The following LRP2 variants were observed in gnomAD, a reference collection of about 807,000 sequenced individuals.
LRP2 encodes LDL receptor related protein 2.
Under a neutral mutation model 531.0 loss-of-function variants are expected in LRP2, and 172 were observed. The observed-to-expected ratio is 0.32, with a 90% CI of 0.29 to 0.37. LRP2 has a LOEUF of 0.37. Ranked by LOEUF, LRP2 falls within the 10% of genes least tolerant of loss-of-function variation. The pLI is 1.00. For missense variants in LRP2, 5,167 were observed against 5,868.3 expected (o/e 0.88, Z 3.90); for synonymous variants, 1,992 against 2,027.6 (o/e 0.98, Z 0.47).
At chr2:169,274,419 A>C (rs1171290112) in intron 14 of LRP2, among the ~76,000 whole-genome samples, 2 of 152,158 alleles carry the variant, frequency 1.3e-5, no homozygotes, top group Non-Finnish European at 2.9e-5. Context: ...ATCCCATCTC[A>C]GAAAAAATAA....
Position 169,207,230 on chromosome 2 carries a change from CA to C in LRP2, c.6489del (p.Asn2163LysfsTer8). 6.2e-7 allele frequency: 1 copy of C among 1,613,794 alleles called. No homozygotes were observed. Among genetic ancestry groups the C allele is most frequent in the Non-Finnish European group, 8.5e-7 (1 of 1,179,852 alleles). On this transcript the variant is annotated frameshift_variant, in exon 39 of 79. Coordinates refer to ENST00000649046, the MANE Select transcript of LRP2 (RefSeq NM_004525.3). LOFTEE classifies it high-confidence loss of function. ...DWVAGNLYFT[N>X]AFVSETLIEV... The stretch of plus-strand genomic sequence containing the variant: ...TCTATCAGTGTTTCAGAAACAAAGG[CA>C]TTGGTGAAATAAAGATTTCCTATGG...
intron 48 of LRP2, among the ~76,000 whole-genome samples, chr2:169,189,965 T>C (rs1405030023): frequency 6.6e-6 from 1 of 152,086 alleles, no homozygotes; most frequent in Non-Finnish European, 1.5e-5. Flanking sequence ...ATAGTAATGA[T>C]AAAGGAAGAA....
Position 169,137,469 on chromosome 2 carries a change from C to T in LRP2, c.13543G>A (p.Gly4515Arg), listed in dbSNP as rs886055078. 2.5e-6 allele frequency: 4 copies of T among 1,612,852 alleles called. No homozygotes were observed. Among genetic ancestry groups the T allele is most frequent in the Non-Finnish European group, 3.4e-6 (4 of 1,179,048 alleles). Reference sequence around the variant, plus strand: ...TTTTCAAATATTATGGGCTGCTTCCCCATTTCCATGACAAAGTCTTCACTC... The same window carrying T: ...TTTTCAAATATTATGGGCTGCTTCCTCATTTCCATGACAAAGTCTTCACTC... ...AMSEDFVMEMGKQPIIFENPM... is the reference protein window; with the variant it reads ...AMSEDFVMEMRKQPIIFENPM... The change falls in exon 76 of 79, where the codon GGG (glycine) becomes AGG (arginine). Residue 4515 changes from glycine (G) to arginine (R), a missense_variant. By Grantham distance (125) the Gly-to-Arg change is moderately radical (BLOSUM62 -2). This residue lies in a region of LRP2 where 348 missense variants were observed against 369.3 expected (regional missense o/e 0.94). Transcript: ENST00000649046.
At chr2:169,301,636 T>C (rs1319295986) in intron 4 of LRP2, among the ~76,000 whole-genome samples, 1 of 152,120 alleles carries the variant, frequency 6.6e-6, no homozygotes, top group Non-Finnish European at 1.5e-5. Flanking sequence ...TCTCATACTA[T>C]ACCACATTTA....
intron 16 of LRP2, among the ~76,000 whole-genome samples, chr2:169,263,314 C>T (rs1690648981): frequency 6.6e-6 from 1 of 152,052 alleles, no homozygotes; most frequent in South Asian, 2.1e-4. Flanking sequence ...AGGCAACCCA[C>T]AAAATGGGAG....
chr2:169,301,798 A>C (rs553705286), intron 4 of LRP2, among the ~76,000 whole-genome samples: 3 of 152,164 alleles, frequency 2.0e-5, no homozygotes, highest in East Asian at 3.9e-4. Context: ...GAATGGACAC[A>C]AGGTACTCTG....
At chr2:169,196,744 G>A (rs1688017180) in intron 46 of LRP2, among the ~76,000 whole-genome samples, 167 bp downstream of exon 46, 1 of 152,188 alleles carries the variant, frequency 6.6e-6, no homozygotes, top group Admixed American at 6.5e-5. Context: ...TCCACTAACA[G>A]GTCTTAATGA....
chr2:169,176,339 C>G, intron 54 of LRP2, 72 bp downstream of exon 54: 1 of 1,586,750 alleles, frequency 6.3e-7, no homozygotes, highest in Non-Finnish European at 8.6e-7. Context: ...ACTCCCATCC[C>G]TTGGAGCCTT....
intron 37 of LRP2, among the ~76,000 whole-genome samples, 191 bp downstream of exon 37, chr2:169,211,777 G>A (rs542867928): frequency 6.6e-5 from 10 of 152,264 alleles, no homozygotes; most frequent in South Asian, 2.1e-4. Flanking sequence ...CTGTGTTGGC[G>A]TGAGCCCTCC....
rs1223432344 is a variant in LRP2, at chr2:169,235,979, T to A, written c.4781A>T (p.Gln1594Leu). Reference sequence around the variant, plus strand: ...GCCGCAGGGCCAGAAGATCTTGTCCTGGACAATGACAGTGCGCATGCTGCC... The same window carrying A: ...GCCGCAGGGCCAGAAGATCTTGTCCAGGACAATGACAGTGCGCATGCTGCC... ...MDGSMRTVIVQDKIFWPCGLT... is the reference protein window; with the variant it reads ...MDGSMRTVIVLDKIFWPCGLT... The change falls in exon 29 of 79, where the codon CAG (glutamine) becomes CTG (leucine). Residue 1594 changes from glutamine (Q) to leucine (L), a missense_variant. Around this residue, in one of 6 missense-constraint regions of LRP2, gnomAD observed 2,811 missense variants for 3,058.0 expected, o/e 0.92. Coordinates refer to ENST00000649046, the MANE Select transcript of LRP2 (RefSeq NM_004525.3). 6.2e-7 allele frequency: 1 copy of A among 1,614,116 alleles called. No homozygotes were observed. The highest frequency in any genetic ancestry group is 1.3e-5 in the African/African-American group (1 of 74,932).
chr2:169,163,141 C>A (rs954374052), intron 62 of LRP2, among the ~76,000 whole-genome samples: 6 of 152,170 alleles, frequency 3.9e-5, no homozygotes, highest in African/African-American at 1.2e-4. Flanking sequence ...AGGTGGAGAT[C>A]ATGTTATGCA....
rs16856600 is a variant in LRP2 at position 169,201,987 on chromosome 2, G to A, written c.8210-117C>T. ...GAATTTACCTTCCAAGGCAAAAAAC[G>A]CTGCAAAATGGACTGCATGCAAAGT... On this transcript the variant is annotated intron_variant, in intron 43 of 78. Transcript: ENST00000649046. 418,368 of 1,298,874 alleles carry A rather than the reference G, an allele frequency of 0.32. 70,373 individuals carry two copies. The highest frequency in any genetic ancestry group is 0.56 in the East Asian group (22,175 of 39,756). The allele number at this position is 1,298,874 out of a possible 1,614,324, so 80.5% of individuals were successfully genotyped here.
At chr2:169,219,683 C>A (rs1233223065) in intron 34 of LRP2, among the ~76,000 whole-genome samples, 1 of 152,144 alleles carries the variant, frequency 6.6e-6, no homozygotes, top group Non-Finnish European at 1.5e-5. Flanking sequence ...CTGTGGACTA[C>A]TAGAGAGGGG....
intron 1 of LRP2, among the ~76,000 whole-genome samples, chr2:169,355,695 T>A (rs1011759142): frequency 1.3e-5 from 2 of 152,168 alleles, no homozygotes; most frequent in Non-Finnish European, 2.9e-5. Context: ...CCGCTTTACA[T>A]CAAAGGAGAA....
Position 169,220,436 on chromosome 2 carries a change from C to A in LRP2, c.5648+18G>T, listed in dbSNP as rs749083712. The A allele has an allele frequency of 1.3e-6, 2 of 1,564,158 alleles. No homozygotes were observed. Among genetic ancestry groups the A allele is most frequent in the African/African-American group, 2.7e-5 (2 of 74,012 alleles). Reference sequence around the variant, plus strand: ...AACAATGCTGCATGGAAGACACGTGCCATTTATGAATACTCACCCACGAGC... The same window carrying A: ...AACAATGCTGCATGGAAGACACGTGACATTTATGAATACTCACCCACGAGC... On this transcript the variant is annotated intron_variant, in intron 34 of 78. Coordinates refer to ENST00000649046, the MANE Select transcript of LRP2 (RefSeq NM_004525.3).
At position 169,238,302 on chromosome 2, in the gene LRP2, G is replaced by A. The variant is rs1689679787; in HGVS notation, c.4295C>T (p.Ala1432Val). The part of the protein sequence containing the change: ...ESDGRTCKVT[A>V]SESLLLLVAS... The stretch of plus-strand genomic sequence containing the variant: ...CACAAGTAACAGCAGACTCTCAGAT[G>A]CTGTTCAAGAAAAAAATGCAAAAAT... The change falls in exon 27 of 79, where the codon GCA (alanine) becomes GTA (valine). Residue 1432 changes from alanine to valine, a missense_variant and splice_region_variant. By Grantham distance (64) the Ala-to-Val change is moderately conservative. This residue lies in a region of LRP2 where 2,811 missense variants were observed against 3,058.0 expected (regional missense o/e 0.92). Coordinates refer to ENST00000649046, the MANE Select transcript of LRP2 (RefSeq NM_004525.3). 6.2e-7 allele frequency: 1 copy of A among 1,612,344 alleles called. No homozygotes were observed. The highest frequency in any genetic ancestry group is 2.2e-5 in the East Asian group (1 of 44,880).
rs1687842759 is a variant in LRP2 at position 169,191,909 on chromosome 2, A to T, written c.8955T>A (p.Asn2985Lys). 1 of 1,613,998 alleles carries T rather than the reference A, an allele frequency of 6.2e-7. No individual in the cohort carries two copies. Among genetic ancestry groups the T allele is most frequent in the African/African-American group, 1.3e-5 (1 of 74,880 alleles). The change falls in exon 48 of 79, where the codon AAT (asparagine) becomes AAA (lysine). Residue 2985 changes from asparagine (N) to lysine (K), a missense_variant. Asn to Lys is a moderately conservative substitution (Grantham distance 94). Transcript: ENST00000649046. ...DVDCTDGYDENQNCTRRTCSE... is the reference protein window; with the variant it reads ...DVDCTDGYDEKQNCTRRTCSE... Reference sequence around the variant, plus strand: ...AGCAAGTTCTCCTGGTGCAATTCTGATTCTCATCGTAGCCGTCAGTACAAT... The same window carrying T: ...AGCAAGTTCTCCTGGTGCAATTCTGTTTCTCATCGTAGCCGTCAGTACAAT...
intron 33 of LRP2, 42 bp from the exon 34 acceptor site, chr2:169,220,605 GGAACCAAAGGA>G (rs1559024643): frequency 1.5e-6 from 2 of 1,319,608 alleles, no homozygotes; most frequent in Non-Finnish European, 1.1e-6. Context: ...TTTCATAAGG[GGAACCAAAGGA>G]AACTGAGATG....
chr2:169,325,837 G>A (rs1648986501), intron 1 of LRP2, among the ~76,000 whole-genome samples: 1 of 151,778 alleles, frequency 6.6e-6, no homozygotes, highest in Non-Finnish European at 1.5e-5. Flanking sequence ...CCACTGAATA[G>A]ACTGCTTTGT....
Sources: gnomAD v4.1 joint callset for allele counts (sites outside exome capture counted in the v4.1 genomes callset) on GRCh38, gnomAD v4.1.1 for gene constraint, gnomAD v4.1.1 regional missense constraint, MANE v1.5 for transcripts, NCBI Gene and HGNC (gene_info 2026-07-23, HGNC 2026-07-21) for gene names.